PTPRG: variants seen among roughly 807,000 people sequenced by gnomAD.
The protein encoded by PTPRG is protein tyrosine phosphatase receptor type G.
In PTPRG, 102 loss-of-function variants were observed where a neutral mutation model predicts 165.3. The observed-to-expected ratio is 0.62, with a 90% CI of 0.53 to 0.73. The LOEUF (loss-of-function observed/expected upper bound fraction) is 0.73, where lower values mean the gene tolerates loss of function less well. Among genes scored for constraint, PTPRG ranks in the 30% least tolerant of loss-of-function variants. The pLI is 0.00. For missense variants in PTPRG, 1,866 were observed against 1,861.4 expected, an observed-to-expected ratio of 1.00 and a Z score of -0.05; for synonymous variants, 675 against 669.5, an observed-to-expected ratio of 1.01 and a Z score of -0.13.
intron 2 of PTPRG, among the ~76,000 whole-genome samples, chr3:61,819,989 A>C (rs1300337831): frequency 1.3e-5 from 2 of 152,086 alleles, no homozygotes. Context: ...GTTTCCTGAC[A>C]TTTTGGTTTT....
chr3:61,678,619 C>T (rs562316548), intron 1 of PTPRG, among the ~76,000 whole-genome samples: 5 of 152,188 alleles, frequency 3.3e-5, no homozygotes, highest in African/African-American at 4.8e-5. Flanking sequence ...GTTCCCTGGC[C>T]GAGAGATCAA....
rs768642495 is a variant in PTPRG at position 62,168,150 on chromosome 3, A to G, written c.1020A>G (p.Thr340=). 6.2e-7 allele frequency: 1 copy of G among 1,613,918 alleles called. No homozygotes were observed. The highest frequency in any genetic ancestry group is 2.2e-5 in the East Asian group (1 of 44,868). Residue 340 remains threonine, a synonymous_variant, in exon 8 of 30, where the codon ACA becomes ACG. Transcript: ENST00000474889. ...MTDFLENPLG[T]EASKVCSSPP... ...ACTTCTTAGAAAACCCACTGGGGAC[A>G]GAAGCCTCTAAAGGTATATTTGGCT...
At chr3:61,574,269 G>A (rs1341642679) in intron 1 of PTPRG, among the ~76,000 whole-genome samples, 1 of 152,200 alleles carries the variant, frequency 6.6e-6, no homozygotes, top group Non-Finnish European at 1.5e-5. Flanking sequence ...GTTGGACTAG[G>A]AGAAGGGCTT....
chr3:61,621,051 A>ATATATATATATATATATATATGTG, intron 1 of PTPRG, among the ~76,000 whole-genome samples: 1 of 117,946 alleles, frequency 8.5e-6, no homozygotes, highest in East Asian at 2.8e-4. Context: ...ATATATATAT[A>ATATATATATATATATATATATGTG]TGTGTGTGTG....
At chr3:61,823,575 A>C (rs934461406) in intron 2 of PTPRG, among the ~76,000 whole-genome samples, 31 of 144,916 alleles carry the variant, frequency 2.1e-4, no homozygotes, top group Non-Finnish European at 1.9e-4. Context: ...GGGTGTAACA[A>C]ATTTATGCAT....
At chr3:61,672,684 G>T (rs546794665) in intron 1 of PTPRG, among the ~76,000 whole-genome samples, 15 of 143,234 alleles carry the variant, frequency 1.0e-4, no homozygotes, top group Non-Finnish European at 1.7e-4. Context: ...GTCCAGCTTC[G>T]GCTCGGCATC....
At chr3:61,605,273 T>G (rs1373026313) in intron 1 of PTPRG, among the ~76,000 whole-genome samples, 1 of 152,230 alleles carries the variant, frequency 6.6e-6, no homozygotes, top group Non-Finnish European at 1.5e-5. Context: ...TTTATTCTTT[T>G]GATACAGAGT....
chr3:62,054,140 A>G (rs370607263), intron 4 of PTPRG, among the ~76,000 whole-genome samples: 2 of 152,152 alleles, frequency 1.3e-5, no homozygotes, highest in African/African-American at 2.4e-5. Flanking sequence ...GTGACCAACA[A>G]TGATTGCTGC....
At chr3:61,831,151 A>C (rs1453333565) in intron 2 of PTPRG, among the ~76,000 whole-genome samples, 1 of 152,210 alleles carries the variant, frequency 6.6e-6, no homozygotes, top group African/African-American at 2.4e-5. Flanking sequence ...AAAGATACTG[A>C]TACTGATGAG....
chr3:62,064,331 C>G lies in PTPRG; in HGVS notation c.520-13832C>G, dbSNP rs1008037994. ...ATATACCCACAGGACACAAACTATA[C>G]TGAGTTGTATGACATTTTTAAAGTC... On this transcript the variant is annotated intron_variant, in intron 4 of 29. Coordinates refer to ENST00000474889, the MANE Select transcript of PTPRG (RefSeq NM_002841.4). Among the ~76,000 whole-genome samples the G allele has an allele frequency of 3.9e-5, 6 of 152,108 alleles. No homozygotes were observed. In the South Asian group the frequency reaches 1.2e-3, roughly 32 times the overall value.
intron 2 of PTPRG, among the ~76,000 whole-genome samples, chr3:61,951,744 C>G (rs1297930531): frequency 1.3e-5 from 2 of 152,206 alleles, no homozygotes; most frequent in Non-Finnish European, 2.9e-5. Flanking sequence ...AGGCTGTGCT[C>G]TGTTGCTGAT....
chr3:61,828,879 C>CT (rs1339427102), intron 2 of PTPRG, among the ~76,000 whole-genome samples: 3 of 152,128 alleles, frequency 2.0e-5, no homozygotes, highest in African/African-American at 4.8e-5. Flanking sequence ...CCTATATTTC[C>CT]TTTTTTTCCC....
rs115871109 is a variant in PTPRG at position 61,999,982 on chromosome 3, C to T, written c.371-3367C>T. 4.7e-3 allele frequency among the ~76,000 whole-genome samples: 717 copies of T among 152,116 alleles called. 5 individuals are homozygous for T. The highest frequency in any genetic ancestry group is 0.016 in the African/African-American group (652 of 41,506). On this transcript the variant is annotated intron_variant, in intron 3 of 29. Transcript: ENST00000474889. ...TTATTCTGTTTTAGTGAACTAAAAG[C>T]ATCTACTCAATACTTAAGATCTCCC...
intron 4 of PTPRG, among the ~76,000 whole-genome samples, chr3:62,012,314 G>A (rs1230178969): frequency 6.6e-6 from 1 of 152,186 alleles, no homozygotes; most frequent in East Asian, 1.9e-4. Flanking sequence ...TATTAGGTAA[G>A]TAATTCTGCT....
intron 4 of PTPRG, among the ~76,000 whole-genome samples, chr3:62,071,128 C>A (rs1288544732): frequency 6.6e-6 from 1 of 152,048 alleles, no homozygotes; most frequent in Non-Finnish European, 1.5e-5. Flanking sequence ...TAATAAAAAT[C>A]CCCAGCAGTA....
chr3:62,095,749 C>T (rs977930836), intron 5 of PTPRG, among the ~76,000 whole-genome samples: 73 of 152,158 alleles, frequency 4.8e-4, no homozygotes, highest in African/African-American at 1.7e-3. Context: ...GGGTCAGGTC[C>T]AGGTTTGGGG....
At position 62,254,728 on chromosome 3, in the gene PTPRG, TAAA is replaced by T. The variant is rs1000277291; in HGVS notation, c.2468-389_2468-387del. On this transcript the variant is annotated intron_variant, in intron 15 of 29. Transcript: ENST00000474889. The surrounding 1 kb of genome is among the most constrained non-coding windows in gnomAD (Gnocchi z 4.6). ...AAGCTGGACTCCATTGAACAGCAAT[TAAA>T]AAAAAACAACAACAACAACAACAAA... Among the ~76,000 whole-genome samples the T allele has an allele frequency of 3.3e-4, 50 of 150,868 alleles. No individual in the cohort carries two copies. Among genetic ancestry groups the T allele is most frequent in the African/African-American group, 1.2e-3 (50 of 41,040 alleles).
chr3:61,697,899 A>T (rs1327976324), intron 1 of PTPRG, among the ~76,000 whole-genome samples: 2 of 152,146 alleles, frequency 1.3e-5, no homozygotes, highest in Non-Finnish European at 2.9e-5. Flanking sequence ...ATTCAGAGGG[A>T]GAGGGAAAAT....
chr3:62,194,350 C>G (rs1576120474), intron 9 of PTPRG, among the ~76,000 whole-genome samples: 1 of 152,208 alleles, frequency 6.6e-6, no homozygotes, highest in East Asian at 1.9e-4. Context: ...TGAAGTAGCT[C>G]TTCCTCTCCC....
Sources: allele counts gnomAD v4.1 joint callset (sites outside exome capture counted in the v4.1 genomes callset), GRCh38; gene constraint gnomAD v4.1.1; non-coding constraint Gnocchi (gnomAD v3.1); transcripts MANE v1.5; gene names NCBI Gene and HGNC (gene_info 2026-07-23, HGNC 2026-07-21).